PREX1: variants seen among roughly 807,000 people sequenced by gnomAD.
PREX1 encodes phosphatidylinositol-3,4,5-trisphosphate dependent Rac exchange factor 1.
A neutral mutation model predicts 198.3 loss-of-function variants in PREX1; 41 were observed. The observed-to-expected ratio is 0.21, with a 90% CI of 0.16 to 0.27. The LOEUF (loss-of-function observed/expected upper bound fraction) is 0.27. Among genes scored for constraint, PREX1 ranks in the 10% least tolerant of loss-of-function variants. The probability of loss-of-function intolerance (pLI) is 1.00; values close to 1 mark genes in which losing one functional copy is unlikely to be tolerated. For synonymous variants in PREX1, 843 were observed against 887.2 expected (o/e 0.95, Z 0.89); for missense variants, 1,620 against 2,200.7 (o/e 0.74, Z 5.28).
intron 13 of PREX1, among the ~76,000 whole-genome samples, chr20:48,678,815 T>C (rs563727737): frequency 6.6e-6 from 1 of 152,088 alleles, no homozygotes; most frequent in Non-Finnish European, 1.5e-5. Flanking sequence ...CTTTTCTTTA[T>C]AAATTACCCA....
chr20:48,869,207 G>T, the PREX1 span, among the ~76,000 whole-genome samples: 1 of 152,052 alleles, frequency 6.6e-6, no homozygotes, highest in African/African-American at 2.4e-5. Flanking sequence ...TAGACTATAT[G>T]TATCCTCATT....
At chr20:48,851,504 TTAAAAATAAA>T in the PREX1 span, among the ~76,000 whole-genome samples, 1 of 152,178 alleles carries the variant, frequency 6.6e-6, no homozygotes, top group African/African-American at 2.4e-5. Context: ...AAGACTCCGT[TTAAAAATAAA>T]TAAAAATAAA....
chr20:48,818,695 G>A (rs2090469765), intron 1 of PREX1, among the ~76,000 whole-genome samples: 1 of 152,250 alleles, frequency 6.6e-6, no homozygotes, highest in African/African-American at 2.4e-5. Flanking sequence ...GTAAAGTGCT[G>A]TTATGATGCC....
At chr20:48,821,388 T>G (rs2090484003) in intron 1 of PREX1, among the ~76,000 whole-genome samples, 1 of 152,082 alleles carries the variant, frequency 6.6e-6, no homozygotes. Flanking sequence ...ACAAGGAGAT[T>G]CAGACCGAAT....
At chr20:48,708,842 G>C in intron 5 of PREX1, among the ~76,000 whole-genome samples, 1 of 152,138 alleles carries the variant, frequency 6.6e-6, no homozygotes. Context: ...AGTGTGTCTG[G>C]GGTGGAATAA....
intron 30 of PREX1, 130 bp from the exon 31 acceptor site, chr20:48,637,882 C>A: frequency 1.4e-6 from 1 of 725,640 alleles, no homozygotes; most frequent in Non-Finnish European, 2.3e-6. Context: ...CCCTGGCACC[C>A]AAGGCTGTGC....
At chr20:48,845,511 T>C in the PREX1 span, among the ~76,000 whole-genome samples, 1 of 152,116 alleles carries the variant, frequency 6.6e-6, no homozygotes, top group African/African-American at 2.4e-5. Context: ...GTGACCAGCC[T>C]GGGCAACATG....
chr20:48,874,083 A>G, the PREX1 span, among the ~76,000 whole-genome samples: 12 of 152,120 alleles, frequency 7.9e-5, no homozygotes, highest in Non-Finnish European at 1.3e-4. Context: ...ATCATTCTAC[A>G]TGTATTTGTA....
At chr20:48,793,549 C>T (rs143818623) in intron 1 of PREX1, among the ~76,000 whole-genome samples, 105 of 152,332 alleles carry the variant, frequency 6.9e-4, no homozygotes, top group African/African-American at 2.5e-3. Context: ...TCCTCTATAT[C>T]CACATCGATG....
intron 25 of PREX1, among the ~76,000 whole-genome samples, chr20:48,647,519 CA>C (rs765244255): frequency 0.017 from 853 of 49,624 alleles, 2 homozygotes; most frequent in Non-Finnish European, 0.025. Context: ...GACAACATCT[CA>C]AAAAAAAAAA....
chr20:48,843,982 T>A, the PREX1 span, among the ~76,000 whole-genome samples: 1 of 151,788 alleles, frequency 6.6e-6, no homozygotes, highest in Admixed American at 6.6e-5. Flanking sequence ...AAAATTAATT[T>A]AAAAAAAGTT....
the PREX1 span, among the ~76,000 whole-genome samples, chr20:48,871,651 GT>G: frequency 1.4e-5 from 1 of 70,670 alleles, no homozygotes; most frequent in Non-Finnish European, 2.7e-5. Flanking sequence ...GACTTGGAGC[GT>G]CAGTCCTGGC....
intron 1 of PREX1, among the ~76,000 whole-genome samples, chr20:48,782,076 T>C (rs554146513): frequency 2.6e-4 from 39 of 152,336 alleles, no homozygotes; most frequent in Middle Eastern, 3.4e-3. Context: ...TGGCCACAGA[T>C]GTCTGGCAAG....
chr20:48,675,811 G>C (rs1310469428), intron 14 of PREX1, among the ~76,000 whole-genome samples: 1 of 152,116 alleles, frequency 6.6e-6, no homozygotes, highest in East Asian at 1.9e-4. Context: ...GGCCGAGGCG[G>C]GCAGATCACA....
chr20:48,886,643 CAAGTT>C, the PREX1 span, among the ~76,000 whole-genome samples: 3 of 152,232 alleles, frequency 2.0e-5, no homozygotes, highest in Non-Finnish European at 2.9e-5. Context: ...CTCAGTCTCA[CAAGTT>C]AAGTAAAAGA....
chr20:48,835,665 G>C, the PREX1 span, among the ~76,000 whole-genome samples: 1 of 152,186 alleles, frequency 6.6e-6, no homozygotes, highest in Non-Finnish European at 1.5e-5. Context: ...AGGGGGAAGG[G>C]TAGTTGAGAT....
chr20:48,734,838 C>T (rs1410933855), intron 3 of PREX1, among the ~76,000 whole-genome samples, 188 bp from the exon 4 acceptor site: 2 of 152,160 alleles, frequency 1.3e-5, no homozygotes, highest in African/African-American at 4.8e-5. Flanking sequence ...ACTCTTGCCC[C>T]AGGTCTGCAC....
At chr20:48,750,469 T>C (rs1415076172) in intron 1 of PREX1, among the ~76,000 whole-genome samples, 2 of 152,212 alleles carry the variant, frequency 1.3e-5, no homozygotes, top group African/African-American at 2.4e-5. Flanking sequence ...TCTGATCTCA[T>C]CTTCCAGTAC....
chr20:48,686,208 T>A (rs992789140), intron 10 of PREX1, among the ~76,000 whole-genome samples: 2 of 152,030 alleles, frequency 1.3e-5, no homozygotes, highest in Non-Finnish European at 2.9e-5. Context: ...TTGATCAATA[T>A]CTCGGAGGCT....
Sources: allele counts gnomAD v4.1 joint callset (sites outside exome capture counted in the v4.1 genomes callset), GRCh38; gene constraint gnomAD v4.1.1; transcripts MANE v1.5; gene names NCBI Gene and HGNC (gene_info 2026-07-23, HGNC 2026-07-21).